CAPZB: variants seen among roughly 807,000 people sequenced by gnomAD.
CAPZB encodes capping actin protein of muscle Z-line subunit beta.
In CAPZB, 2 loss-of-function variants were observed where a neutral mutation model predicts 38.1. The observed-to-expected ratio is 0.05, with a 90% confidence interval of 0.02 to 0.17. The LOEUF (loss-of-function observed/expected upper bound fraction) is 0.17, where lower values mean the gene tolerates loss of function less well. CAPZB is among the 10% of genes least tolerant of loss of function. CAPZB has a pLI of 1.00. For missense variants in CAPZB, 161 were observed against 334.2 expected, an observed-to-expected ratio of 0.48 and a Z score of 4.04; for synonymous variants, 107 against 127.4, an observed-to-expected ratio of 0.84 and a Z score of 1.08.
At chr1:19,472,572 G>A (rs2094592770) in intron 1 of CAPZB, among the ~76,000 whole-genome samples, 1 of 152,154 alleles carries the variant, frequency 6.6e-6, no homozygotes, top group Admixed American at 6.5e-5. Context: ...AGGAGAAAGG[G>A]AAGTGAGGGG....
chr1:19,341,597 G>A (rs2093929393), intron 8 of CAPZB, among the ~76,000 whole-genome samples: 1 of 152,254 alleles, frequency 6.6e-6, no homozygotes, highest in South Asian at 2.1e-4. Flanking sequence ...GCTCGACTCT[G>A]TGGGAGGGAG....
intron 1 of CAPZB, among the ~76,000 whole-genome samples, chr1:19,469,571 G>A (rs1177127776): frequency 2.0e-5 from 3 of 152,094 alleles, no homozygotes; most frequent in Non-Finnish European, 4.4e-5. Flanking sequence ...CAGGGAGGAT[G>A]AGTCAGCTCA....
At chr1:19,438,157 A>T (rs546926019) in intron 1 of CAPZB, among the ~76,000 whole-genome samples, 2 of 152,276 alleles carry the variant, frequency 1.3e-5, no homozygotes, top group Non-Finnish European at 2.9e-5. Context: ...GGGAATGCTT[A>T]CGGAAACACT....
intron 1 of CAPZB, among the ~76,000 whole-genome samples, chr1:19,423,400 C>T (rs12033437): frequency 0.31 from 47,400 of 151,486 alleles, 7,571 homozygotes; most frequent in Middle Eastern, 0.4. Flanking sequence ...CAAGCAACAA[C>T]GTAAGTGACC....
intron 2 of CAPZB, among the ~76,000 whole-genome samples, chr1:19,396,053 C>T (rs1014096823): frequency 1.2e-4 from 19 of 152,250 alleles, no homozygotes; most frequent in African/African-American, 4.3e-4. Flanking sequence ...GATTCGGCCA[C>T]GCCTGCCTCT....
At chr1:19,418,858 G>A (rs1370142255) in intron 2 of CAPZB, among the ~76,000 whole-genome samples, 1 of 152,162 alleles carries the variant, frequency 6.6e-6, no homozygotes, top group Non-Finnish European at 1.5e-5. Flanking sequence ...CCTCACTGAT[G>A]AGCCATGCTT....
chr1:19,421,872 T>C (rs937968515), intron 1 of CAPZB, among the ~76,000 whole-genome samples: 31 of 152,340 alleles, frequency 2.0e-4, no homozygotes, highest in African/African-American at 7.2e-4. Flanking sequence ...TGTTTAATGA[T>C]TGGGGATATT....
At chr1:19,398,621 G>A (rs2094285910) in intron 2 of CAPZB, among the ~76,000 whole-genome samples, 1 of 152,096 alleles carries the variant, frequency 6.6e-6, no homozygotes, top group South Asian at 2.1e-4. Context: ...GTTTCACACT[G>A]GATTCCTTCC....
At chr1:19,341,666 C>T (rs2093929740) in intron 8 of CAPZB, among the ~76,000 whole-genome samples, 1 of 152,160 alleles carries the variant, frequency 6.6e-6, no homozygotes, top group South Asian at 2.1e-4. Context: ...CCCCAGTGGG[C>T]GGCCAGGGAA....
rs188545693 is a variant in CAPZB, at chr1:19,357,745, G to A, written c.330-182C>T. On this transcript the variant is annotated intron_variant, in intron 4 of 8. Transcript: ENST00000264202. The surrounding 1 kb of genome is among the most constrained non-coding windows in gnomAD (Gnocchi z 4.3). Reference sequence around the variant, plus strand: ...GGGGGAGGGGGTGCAGCATTCCTGGGGGTGTAGTAGGTTTAGGCGTCATAA... The same window carrying A: ...GGGGGAGGGGGTGCAGCATTCCTGGAGGTGTAGTAGGTTTAGGCGTCATAA... 2.0e-5 allele frequency among the ~76,000 whole-genome samples: 3 copies of A among 152,082 alleles called. No individual in the cohort carries two copies. The highest frequency in any genetic ancestry group is 7.2e-5 in the African/African-American group (3 of 41,492).
chr1:19,352,901 T>C (rs2093999552), intron 6 of CAPZB, among the ~76,000 whole-genome samples: 1 of 152,052 alleles, frequency 6.6e-6, no homozygotes, highest in Non-Finnish European at 1.5e-5. Context: ...CCCAGGAGAG[T>C]GGCGCTCTGC....
chr1:19,440,388 T>C (rs1460298119), intron 1 of CAPZB, among the ~76,000 whole-genome samples: 6 of 152,166 alleles, frequency 3.9e-5, no homozygotes, highest in Non-Finnish European at 5.9e-5. Context: ...CTGGAAGAGA[T>C]GATGTAAAAA....
intron 3 of CAPZB, among the ~76,000 whole-genome samples, chr1:19,380,974 C>T (rs571273981): frequency 6.2e-4 from 95 of 152,236 alleles, no homozygotes; most frequent in African/African-American, 2.2e-3. Context: ...TTGAGACAAG[C>T]CTGGCCAACA....
chr1:19,419,400 A>G (rs532919291), intron 2 of CAPZB, among the ~76,000 whole-genome samples: 1 of 152,174 alleles, frequency 6.6e-6, no homozygotes, highest in African/African-American at 2.4e-5. Context: ...AACTGAAGAC[A>G]AGGCAGCTGG....
At chr1:19,349,383 C>T (rs1024256564) in intron 6 of CAPZB, among the ~76,000 whole-genome samples, 1 of 152,052 alleles carries the variant, frequency 6.6e-6, no homozygotes, top group Non-Finnish European at 1.5e-5. Flanking sequence ...AGTCTCTCCT[C>T]CTCCCCGGCT....
intron 4 of CAPZB, 140 bp downstream of exon 4, chr1:19,378,400 C>A: frequency 1.6e-6 from 1 of 635,930 alleles, no homozygotes; most frequent in Non-Finnish European, 2.9e-6. Context: ...GTAACAGATT[C>A]AAGGGAGAAT....
intron 2 of CAPZB, among the ~76,000 whole-genome samples, chr1:19,389,636 C>T (rs1175471006): frequency 1.3e-5 from 2 of 152,126 alleles, no homozygotes; most frequent in Admixed American, 1.3e-4. Context: ...CCACGTTAGC[C>T]AGGATGGTCT....
chr1:19,468,683 C>G (rs957452636), intron 1 of CAPZB, among the ~76,000 whole-genome samples: 2 of 152,160 alleles, frequency 1.3e-5, no homozygotes, highest in Admixed American at 1.3e-4. Flanking sequence ...GCCTCCCACC[C>G]AGCTGCTTTG....
In CAPZB at chr1:19,342,694, G is replaced by A. The variant is rs921875680; in HGVS notation, c.731+1664C>T. On this transcript the variant is annotated intron_variant, in intron 8 of 8. Coordinates refer to ENST00000264202, the MANE Select transcript of CAPZB (RefSeq NM_004930.5). ...GCAGCAGCCGGACCGGCAGGGTCTCGGCGGGTTGGTGAGTCCTGTTTTAGT... is the reference window on the plus strand; with the variant it reads ...GCAGCAGCCGGACCGGCAGGGTCTCAGCGGGTTGGTGAGTCCTGTTTTAGT... The A allele has an allele frequency of 5.1e-5, 54 of 1,055,326 alleles. 1 individual carries two copies. The South Asian group carries it at 6.4e-4, about 13-fold the overall frequency. 65.4% of individuals were successfully genotyped at this position (1,055,326 alleles called of 1,614,324 possible). A position where few individuals can be genotyped will look rare whatever the true frequency, so the allele number is the denominator to read the frequency against.
Sources: gnomAD v4.1 joint callset for allele counts (sites outside exome capture counted in the v4.1 genomes callset) on GRCh38, gnomAD v4.1.1 for gene constraint, Gnocchi (gnomAD v3.1) non-coding constraint, MANE v1.5 for transcripts, NCBI Gene and HGNC (gene_info 2026-07-23, HGNC 2026-07-21) for gene names.